The following IL21R variants were observed in gnomAD, a reference collection of about 807,000 sequenced individuals.
IL21R encodes interleukin-21 receptor.
In IL21R, 14 loss-of-function variants were observed where a neutral mutation model predicts 41.3. The ratio of observed to expected loss-of-function variants is 0.34; its 90% CI spans 0.22 to 0.53. IL21R has a LOEUF of 0.53. IL21R is among the 20% of genes least tolerant of loss of function. The pLI, the probability that IL21R is intolerant of heterozygous loss-of-function variation, is 0.94. For missense variants in IL21R, 588 were observed against 681.6 expected (o/e 0.86, Z 1.53); for synonymous variants, 286 against 287.6 (o/e 0.99, Z 0.05).
rs3093351 is a variant in IL21R at position 27,439,800 on chromosome 16, A to C, written c.352+2113A>C. On this transcript the variant is annotated intron_variant, in intron 4 of 8. Transcript: ENST00000337929. ...CTGGTCCCAGCTGGGGCAGGAAGTG[A>C]TTTTCTAACCACCTCCCGCCGAGGG... is the stretch of plus-strand genomic sequence containing the variant. Among the ~76,000 whole-genome samples the C allele has an allele frequency of 1.1e-3, 171 of 152,120 alleles. 1 individual carries two copies. The highest frequency in any genetic ancestry group is 3.9e-3 in the African/African-American group (160 of 41,466).
rs76010128 is a variant in IL21R, at chr16:27,423,164, T to G, written c.-16-6892T>G. On this transcript the variant is annotated intron_variant, in intron 1 of 8. Coordinates refer to ENST00000337929, the MANE Select transcript of IL21R (RefSeq NM_181078.3). ...ACTTTGCACATGATTTGAGGGGAAA[T>G]TGCATGCAGAATTTCAATGCATTTT... Among the ~76,000 whole-genome samples the G allele has an allele frequency of 4.3e-4, 65 of 152,294 alleles. No homozygotes were observed. The East Asian group carries it at 0.012, about 28-fold the overall frequency.
rs1294323102 is a variant in IL21R, at chr16:27,449,991, G to A, written c.*708G>A. The A allele has an allele frequency of 4.3e-6, 1 of 232,898 alleles. No individual in the cohort carries two copies. Among genetic ancestry groups the A allele is most frequent in the Non-Finnish European group, 8.5e-6 (1 of 117,920 alleles). The allele number at this position is 232,898 out of a possible 1,614,324, so 14.4% of individuals were successfully genotyped here. On this transcript the variant is annotated 3_prime_UTR_variant, in exon 9 of 9. Transcript: ENST00000337929. ...CTTATCCAGACAGTGGGGAAGGCAT[G>A]ACACACCTGGGGGAAATTGGCGATG... is the stretch of plus-strand genomic sequence containing the variant.
chr16:27,416,191 C>A (rs2086892124), intron 1 of IL21R, among the ~76,000 whole-genome samples: 1 of 152,128 alleles, frequency 6.6e-6, no homozygotes, highest in African/African-American at 2.4e-5. Context: ...ACTTTCTCAC[C>A]CAGGCTGGAG....
intron 1 of IL21R, among the ~76,000 whole-genome samples, chr16:27,425,284 G>A (rs1173671969): frequency 1.3e-5 from 2 of 152,202 alleles, no homozygotes; most frequent in Non-Finnish European, 2.9e-5. Context: ...GACCCAAAAG[G>A]GGATGGATTC....
chr16:27,442,424 C>T (rs1030879047), intron 4 of IL21R, among the ~76,000 whole-genome samples: 6 of 152,126 alleles, frequency 3.9e-5, no homozygotes, highest in Non-Finnish European at 8.8e-5. Flanking sequence ...AGTGCAGTGG[C>T]GCAATCTTGG....
At position 27,451,634 on chromosome 16, in the gene IL21R, G is replaced by A. The variant is rs1219332449; in HGVS notation, c.*2351G>A. The A allele has an allele frequency of 1.8e-5, 4 of 217,022 alleles. No individual in the cohort carries two copies. Among genetic ancestry groups the A allele is most frequent in the East Asian group, 6.8e-5 (1 of 14,728 alleles). 13.4% of individuals were successfully genotyped at this position (217,022 alleles called of 1,614,324 possible). ...CTCGGGAGGCTAAGGTGGGAGGATCGCTGGAGCCCAGGAATTTGAGGCTGC... is the reference window on the plus strand; with the variant it reads ...CTCGGGAGGCTAAGGTGGGAGGATCACTGGAGCCCAGGAATTTGAGGCTGC... On this transcript the variant is annotated 3_prime_UTR_variant, in exon 9 of 9. Transcript: ENST00000337929.
intron 4 of IL21R, 130 bp downstream of exon 4, chr16:27,437,817 T>C (rs536240422): frequency 1.8e-4 from 120 of 685,552 alleles, no homozygotes; most frequent in Non-Finnish European, 2.9e-4. Context: ...TGTACACCAC[T>C]ACACCCAGCT....
intron 1 of IL21R, among the ~76,000 whole-genome samples, chr16:27,428,017 A>AAT (rs1417477542): frequency 1.3e-5 from 2 of 152,286 alleles, no homozygotes; most frequent in Non-Finnish European, 2.9e-5. Flanking sequence ...CAGTGCACAC[A>AAT]ATATACAAAT....
intron 1 of IL21R, among the ~76,000 whole-genome samples, chr16:27,405,571 G>A (rs1439317191): frequency 3.9e-5 from 6 of 152,210 alleles, no homozygotes; most frequent in African/African-American, 7.2e-5. Context: ...GAGGGGAACA[G>A]ATGCTTCCTC....
At chr16:27,433,367 G>A (rs951384547) in intron 2 of IL21R, among the ~76,000 whole-genome samples, 1 of 152,268 alleles carries the variant, frequency 6.6e-6, no homozygotes, top group Admixed American at 6.5e-5. Context: ...TCAGGAAGTT[G>A]AAGTGGGAGG....
chr16:27,439,219 G>A (rs1342519699), intron 4 of IL21R, among the ~76,000 whole-genome samples: 1 of 151,874 alleles, frequency 6.6e-6, no homozygotes, highest in East Asian at 1.9e-4. Context: ...CAGGGTCACA[G>A]ACTCACGCAC....
Position 27,449,237 on chromosome 16 carries a change from T to A in IL21R, c.1571T>A (p.Val524Glu). Residue 524 changes from valine (V) to glutamate (E), a missense_variant, in exon 9 of 9, where the codon GTG (valine) becomes GAG (glutamate). Physicochemically the swap from Val to Glu is moderately radical, Grantham distance 121. Transcript: ENST00000337929. ...CCCCGGAGCTACCTCCGCCAGTGGG[T>A]GGTCATTCCTCCGCCACTTTCGAGC... ...GPPRSYLRQW[V>E]VIPPPLSSPG... is the part of the protein sequence containing the mutation. 6.2e-7 allele frequency: 1 copy of A among 1,611,446 alleles called. No homozygotes were observed. The highest frequency in any genetic ancestry group is 8.5e-7 in the Non-Finnish European group (1 of 1,179,278).
rs1017631687 is a variant in IL21R at position 27,448,687 on chromosome 16, G to C, written c.1021G>C (p.Val341Leu). 1 of 1,613,260 alleles carries C rather than the reference G, an allele frequency of 6.2e-7. No individual in the cohort carries two copies. Among genetic ancestry groups the C allele is most frequent in the East Asian group, 2.2e-5 (1 of 44,892 alleles). ...GGAGCTACAAGAACCAGCAGAGCTG[G>C]TGGAGTCTGACGGTGTGCCCAAGCC... ...LTELQEPAEL[V>L]ESDGVPKPSF... The change falls in exon 9 of 9, where the codon GTG becomes CTG. Residue 341 changes from valine (V) to leucine (L), a missense_variant. Val to Leu is a conservative substitution (Grantham distance 32). Transcript: ENST00000337929.
chr16:27,422,977 C>A (rs1227560190), intron 1 of IL21R, among the ~76,000 whole-genome samples: 1 of 152,170 alleles, frequency 6.6e-6, no homozygotes, highest in Non-Finnish European at 1.5e-5. Context: ...ATAGTATTTT[C>A]TAAATAGCTG....
At chr16:27,424,944 G>A (rs1010617447) in intron 1 of IL21R, among the ~76,000 whole-genome samples, 3 of 152,100 alleles carry the variant, frequency 2.0e-5, no homozygotes, top group Non-Finnish European at 4.4e-5. Context: ...ATCACATAGC[G>A]ACAGCTGGAG....
intron 3 of IL21R, 46 bp downstream of exon 3, chr16:27,434,495 G>T: frequency 8.0e-7 from 1 of 1,248,378 alleles, no homozygotes; most frequent in Non-Finnish European, 1.2e-6. Flanking sequence ...AATTCAGGGT[G>T]CCTGCTCAGT....
chr16:27,430,423 C>T (rs2087151297), intron 2 of IL21R, among the ~76,000 whole-genome samples: 1 of 152,232 alleles, frequency 6.6e-6, no homozygotes, highest in Non-Finnish European at 1.5e-5. Flanking sequence ...TTCCCCTGAC[C>T]TCTGCCTTGG....
intron 1 of IL21R, among the ~76,000 whole-genome samples, chr16:27,417,163 C>CTTTTTTTTTTTTTT (rs577149386): frequency 3.9e-5 from 5 of 126,624 alleles, no homozygotes; most frequent in Non-Finnish European, 6.4e-5. Context: ...TTTTTCTTTT[C>CTTTTTTTTTTTTTT]TTTTTTTTTT....
chr16:27,419,708 G>A (rs765942206), intron 1 of IL21R, among the ~76,000 whole-genome samples: 2 of 152,012 alleles, frequency 1.3e-5, no homozygotes, highest in East Asian at 1.9e-4. Context: ...GATTACAGGC[G>A]TAAGCCACTG....
Sources: gnomAD v4.1 joint callset for allele counts (sites outside exome capture counted in the v4.1 genomes callset) on GRCh38, gnomAD v4.1.1 for gene constraint, MANE v1.5 for transcripts, NCBI Gene and HGNC (gene_info 2026-07-23, HGNC 2026-07-21) for gene names.